The following MAPKAPK5 variants were observed in gnomAD, a reference collection of about 807,000 sequenced individuals.
The protein encoded by MAPKAPK5 is MAPK activated protein kinase 5.
A neutral mutation model predicts 65.1 loss-of-function variants in MAPKAPK5; 30 were observed. That is an observed-to-expected ratio of 0.46 (90% CI 0.34 to 0.63). MAPKAPK5 has a LOEUF of 0.63. Ranked by LOEUF, MAPKAPK5 falls within the 20% of genes least tolerant of loss-of-function variation. The probability of loss-of-function intolerance (pLI) is 0.01; values close to 1 mark genes in which losing one functional copy is unlikely to be tolerated. For synonymous variants in MAPKAPK5, 179 were observed against 204.6 expected (o/e 0.87, Z 1.07); for missense variants, 433 against 581.4 (o/e 0.74, Z 2.63).
At chr12:111,862,955 G>T (rs1175942405) in intron 1 of MAPKAPK5, among the ~76,000 whole-genome samples, 1 of 152,200 alleles carries the variant, frequency 6.6e-6, no homozygotes, top group African/African-American at 2.4e-5. Context: ...AACAGGTCAT[G>T]TAGCAGATAA....
At chr12:111,878,614 T>C (rs1593169632) in intron 7 of MAPKAPK5, among the ~76,000 whole-genome samples, 1 of 151,674 alleles carries the variant, frequency 6.6e-6, no homozygotes, top group South Asian at 2.1e-4. Context: ...AGAGACGGGG[T>C]TTCACCATGT....
In MAPKAPK5 at chr12:111,894,616, G is replaced by C. The variant is rs1278745354; in HGVS notation, c.*1555G>C. 1.3e-5 allele frequency: 2 copies of C among 151,698 alleles called. No homozygotes were observed. Among genetic ancestry groups the C allele is most frequent in the Non-Finnish European group, 2.9e-5 (2 of 67,950 alleles). The allele number at this position is 151,698 out of a possible 1,614,324, so 9.4% of individuals were successfully genotyped here. Reference sequence around the variant, plus strand: ...TCTGGGTTTTGTGTTGGCATCCTCTGGGCTGCATTTATCTTGTTTATTACC... The same window carrying C: ...TCTGGGTTTTGTGTTGGCATCCTCTCGGCTGCATTTATCTTGTTTATTACC... On this transcript the variant is annotated 3_prime_UTR_variant, in exon 14 of 14. Coordinates refer to ENST00000550735, the MANE Select transcript of MAPKAPK5 (RefSeq NM_003668.4).
chr12:111,880,070 A>T (rs11066059), intron 7 of MAPKAPK5: 1 of 269,906 alleles, frequency 3.7e-6, no homozygotes, highest in South Asian at 4.7e-5. Flanking sequence ...CTAGACTGAC[A>T]TGACTGTCAT....
intron 10 of MAPKAPK5, among the ~76,000 whole-genome samples, chr12:111,887,011 G>C (rs1444456699): frequency 6.6e-6 from 1 of 152,192 alleles, no homozygotes; most frequent in Admixed American, 6.5e-5. Context: ...GACAGATTAG[G>C]AAGGAGGCTG....
chr12:111,870,844 C>G (rs920235813), intron 6 of MAPKAPK5, among the ~76,000 whole-genome samples: 1 of 152,114 alleles, frequency 6.6e-6, no homozygotes, highest in African/African-American at 2.4e-5. Flanking sequence ...GCTGCCCTTA[C>G]AAGTTCTAAA....
intron 1 of MAPKAPK5, among the ~76,000 whole-genome samples, chr12:111,857,231 A>G (rs1381703048): frequency 1.3e-5 from 2 of 149,920 alleles, no homozygotes; most frequent in Non-Finnish European, 3.0e-5. Context: ...TGTGGATCCA[A>G]GTTTTCTTTT....
Position 111,900,923 on chromosome 12 carries a change from A to G in MAPKAPK5, c.*7862A>G. On this transcript the variant is annotated 3_prime_UTR_variant, in exon 14 of 14. Transcript: ENST00000550735. ...GATATGGTGCAAAATCAGCCTCACA[A>G]GAGTGTTACAATTCAATGAACAGCA... is the stretch of plus-strand genomic sequence containing the variant. 2.2e-6 allele frequency: 1 copy of G among 448,868 alleles called. No individual in the cohort carries two copies. The highest frequency in any genetic ancestry group is 4.5e-6 in the Non-Finnish European group (1 of 224,712). 27.8% of individuals were successfully genotyped at this position (448,868 alleles called of 1,614,324 possible). A position where few individuals can be genotyped will look rare whatever the true frequency, so the allele number is the denominator to read the frequency against.
rs961129118 is a variant in MAPKAPK5, at chr12:111,896,568, T to C, written c.*3507T>C. On this transcript the variant is annotated 3_prime_UTR_variant, in exon 14 of 14. Coordinates refer to ENST00000550735, the MANE Select transcript of MAPKAPK5 (RefSeq NM_003668.4). ...GCACATAACTGGAAGTGAAACGATA[T>C]CTTTCTCATATTTTTTGGCCTAACA... 6.6e-6 allele frequency: 1 copy of C among 152,224 alleles called. No homozygotes were observed. The highest frequency in any genetic ancestry group is 2.4e-5 in the African/African-American group (1 of 41,454). 9.4% of individuals were successfully genotyped at this position (152,224 alleles called of 1,614,324 possible). A position where few individuals can be genotyped will look rare whatever the true frequency, so the allele number is the denominator to read the frequency against.
At position 111,888,646 on chromosome 12, in the gene MAPKAPK5, C is replaced by T. The variant is rs182683312; in HGVS notation, c.1100+28C>T. ...AACTGAGCTTATTTCTTCGATTCTT[C>T]TTCATGGCTGGAATGGCTGAGTACT... On this transcript the variant is annotated intron_variant, in intron 11 of 13. Transcript: ENST00000550735. The T allele has an allele frequency of 1.2e-3, 1,953 of 1,612,586 alleles. 8 individuals carry two copies. Among genetic ancestry groups the T allele is most frequent in the Non-Finnish European group, 1.0e-3 (1,179 of 1,179,396 alleles).
intron 1 of MAPKAPK5, among the ~76,000 whole-genome samples, chr12:111,859,651 T>G (rs961169434): frequency 4.5e-4 from 64 of 143,060 alleles, no homozygotes; most frequent in African/African-American, 1.5e-3. Context: ...TCTTTGCTTT[T>G]CTTTTTTTTT....
chr12:111,881,971 TTCCCTTTCTGGAAAGTGAGGGATTGAAGG>T (rs1316296625), intron 8 of MAPKAPK5, among the ~76,000 whole-genome samples: 2 of 152,198 alleles, frequency 1.3e-5, no homozygotes, highest in African/African-American at 4.8e-5. Context: ...GCAGTATTAG[TTCCCTTTCTGGAAAGTGAGGGATTGAAGG>T]TCCCTTTCCA....
chr12:111,891,352 T>C (rs1210679633), intron 13 of MAPKAPK5, among the ~76,000 whole-genome samples: 3 of 150,798 alleles, frequency 2.0e-5, no homozygotes. Context: ...TCCACCCACC[T>C]TGGCCTCCCA....
chr12:111,901,520 T>G lies in MAPKAPK5; in HGVS notation c.*8459T>G, dbSNP rs1296651073. On this transcript the variant is annotated 3_prime_UTR_variant, in exon 14 of 14. Transcript: ENST00000550735. ...TAATATTATTATTAAGTACAATTAT[T>G]TGATCTGCTTGCTTAAAAAATCACC... 2 of 373,052 alleles carry G rather than the reference T, an allele frequency of 5.4e-6. No homozygotes were observed. Among genetic ancestry groups the G allele is most frequent in the African/African-American group, 2.1e-5 (1 of 47,402 alleles). The allele number at this position is 373,052 out of a possible 1,614,324, so 23.1% of individuals were successfully genotyped here.
At chr12:111,875,499 T>G (rs563183599) in intron 7 of MAPKAPK5, among the ~76,000 whole-genome samples, 2 of 152,168 alleles carry the variant, frequency 1.3e-5, no homozygotes, top group South Asian at 4.1e-4. Flanking sequence ...TGGCCCCCCC[T>G]TAGCAATAGA....
chr12:111,883,076 GAAA>G lies in MAPKAPK5; in HGVS notation c.661-503_661-501del, dbSNP rs1230982639. ...ATGTATGTAGTATTGGCAGCTTATT[GAAA>G]ATATGGAGAGAGGCCAGGTGTGGTG... On this transcript the variant is annotated intron_variant, in intron 8 of 13. Transcript: ENST00000550735. The surrounding 1 kb of genome is among the most constrained non-coding windows in gnomAD (Gnocchi z 4.8). Among the ~76,000 whole-genome samples, 9 of 152,088 alleles carry G rather than the reference GAAA, an allele frequency of 5.9e-5. No individual in the cohort carries two copies. Among genetic ancestry groups the G allele is most frequent in the Admixed American group, 4.6e-4 (7 of 15,266 alleles).
intron 13 of MAPKAPK5, 38 bp from the exon 14 acceptor site, chr12:111,892,929 G>T (rs768644741): frequency 2.0e-6 from 3 of 1,468,838 alleles, no homozygotes; most frequent in South Asian, 1.2e-5. Flanking sequence ...ACCTCTCAAA[G>T]AATTTGAGGA....
rs929035280 is a variant in MAPKAPK5, at chr12:111,868,749, A to G, written c.285-4A>G. On this transcript the variant is annotated splice_polypyrimidine_tract_variant and splice_region_variant and intron_variant, in intron 4 of 13. Transcript: ENST00000550735. ...ACTTAACAAAATCAAATGCTTTCAA[A>G]CAGGGCCCGACTCTTAATTGTAATG... The G allele has an allele frequency of 6.5e-7, 1 of 1,539,462 alleles. No homozygotes were observed. Among genetic ancestry groups the G allele is most frequent in the African/African-American group, 1.4e-5 (1 of 71,868 alleles).
intron 1 of MAPKAPK5, among the ~76,000 whole-genome samples, chr12:111,857,365 C>G (rs749037270): frequency 6.6e-6 from 1 of 152,130 alleles, no homozygotes; most frequent in South Asian, 2.1e-4. Context: ...CCTCACCCTC[C>G]GTAGTAGCTG....
intron 1 of MAPKAPK5, among the ~76,000 whole-genome samples, chr12:111,859,061 A>G (rs1007713129): frequency 6.8e-6 from 1 of 147,310 alleles, no homozygotes; most frequent in Non-Finnish European, 1.5e-5. Flanking sequence ...CCAATCAGAG[A>G]TGGATGCTAT....
Sources: gnomAD v4.1 joint callset for allele counts (sites outside exome capture counted in the v4.1 genomes callset) on GRCh38, gnomAD v4.1.1 for gene constraint, Gnocchi (gnomAD v3.1) non-coding constraint, MANE v1.5 for transcripts, NCBI Gene and HGNC (gene_info 2026-07-23, HGNC 2026-07-21) for gene names.